XKR9: variants seen among roughly 807,000 people sequenced by gnomAD.
XKR9 encodes the protein XK related 9.
Under a neutral mutation model 32.0 loss-of-function variants are expected in XKR9, and 32 were observed. The observed-to-expected ratio is 1.00, with a 90% CI of 0.76 to 1.34. The LOEUF (loss-of-function observed/expected upper bound fraction) is 1.34, where lower values mean the gene tolerates loss of function less well. XKR9 is among the 40% of genes most tolerant of loss of function. The probability of loss-of-function intolerance (pLI) is 0.00; values close to 1 mark genes in which losing one functional copy is unlikely to be tolerated. For synonymous variants in XKR9, 168 were observed against 143.4 expected, an observed-to-expected ratio of 1.17 and a Z score of -1.22; for missense variants, 546 against 429.7, an observed-to-expected ratio of 1.27 and a Z score of -2.39.
chr8:71,038,000 G>T, the XKR9 span, among the ~76,000 whole-genome samples: 1 of 152,148 alleles, frequency 6.6e-6, no homozygotes, highest in African/African-American at 2.4e-5. Flanking sequence ...CAAAAAAATT[G>T]ATATTGTCTG....
chr8:71,007,319 C>T, the XKR9 span, among the ~76,000 whole-genome samples: 2 of 152,048 alleles, frequency 1.3e-5, no homozygotes, highest in Non-Finnish European at 2.9e-5. Flanking sequence ...AGATATGATC[C>T]CTGCTATGAG....
the XKR9 span, among the ~76,000 whole-genome samples, chr8:70,993,456 C>G: frequency 1.3e-5 from 2 of 152,234 alleles, no homozygotes; most frequent in East Asian, 3.9e-4. Context: ...ATTCCCCTGA[C>G]AGTGTCCCAA....
chr8:70,851,974 A>G, the XKR9 span, among the ~76,000 whole-genome samples: 1 of 152,250 alleles, frequency 6.6e-6, no homozygotes, highest in African/African-American at 2.4e-5. Flanking sequence ...AGCAAAAGAA[A>G]CTATCATCAA....
the XKR9 span, among the ~76,000 whole-genome samples, chr8:71,031,070 A>G: frequency 6.6e-6 from 1 of 152,126 alleles, no homozygotes; most frequent in Non-Finnish European, 1.5e-5. Flanking sequence ...CTTCCAAACT[A>G]AACTGTTAAT....
At chr8:70,883,698 C>A in the XKR9 span, among the ~76,000 whole-genome samples, 23 of 152,076 alleles carry the variant, frequency 1.5e-4, no homozygotes, top group African/African-American at 5.5e-4. Context: ...TATTTTATAT[C>A]TTTTTGTGGC....
At chr8:71,005,701 T>C in the XKR9 span, among the ~76,000 whole-genome samples, 1 of 152,224 alleles carries the variant, frequency 6.6e-6, no homozygotes, top group African/African-American at 2.4e-5. Flanking sequence ...TCTGTAGCTC[T>C]TACTAGAAGG....
chr8:70,979,720 C>A, the XKR9 span, among the ~76,000 whole-genome samples: 114 of 152,302 alleles, frequency 7.5e-4, no homozygotes, highest in Middle Eastern at 3.4e-3. Flanking sequence ...GGTCAGGGAC[C>A]CACTTGAGGA....
the XKR9 span, among the ~76,000 whole-genome samples, chr8:70,829,183 T>C: frequency 6.6e-6 from 1 of 152,232 alleles, no homozygotes; most frequent in African/African-American, 2.4e-5. Context: ...ACTTAACAAA[T>C]GTGTGACATT....
the XKR9 span, among the ~76,000 whole-genome samples, chr8:71,012,166 G>T: frequency 6.6e-6 from 1 of 152,168 alleles, no homozygotes; most frequent in African/African-American, 2.4e-5. Context: ...TCCTGTCTTC[G>T]AGGACTTGAC....
At chr8:71,056,870 A>G in the XKR9 span, among the ~76,000 whole-genome samples, 1 of 152,192 alleles carries the variant, frequency 6.6e-6, no homozygotes, top group Non-Finnish European at 1.5e-5. Context: ...GAGATGGGGA[A>G]ATTGAGAGGA....
the XKR9 span, among the ~76,000 whole-genome samples, chr8:70,948,874 C>A: frequency 6.6e-6 from 1 of 152,158 alleles, no homozygotes; most frequent in Non-Finnish European, 1.5e-5. Context: ...TACAAGAATT[C>A]TTCAGGAAGT....
chr8:70,750,791 C>T (rs550160287), intron 2 of XKR9, among the ~76,000 whole-genome samples: 1 of 152,288 alleles, frequency 6.6e-6, no homozygotes, highest in Non-Finnish European at 1.5e-5. Flanking sequence ...TAAACTGTTA[C>T]TTTTATCCTT....
the XKR9 span, among the ~76,000 whole-genome samples, chr8:70,900,109 A>G: frequency 6.6e-6 from 1 of 150,982 alleles, no homozygotes; most frequent in Non-Finnish European, 1.5e-5. Context: ...TGTAAAAAAA[A>G]AAATTAGTCT....
chr8:70,948,298 G>C, the XKR9 span, among the ~76,000 whole-genome samples: 1 of 152,210 alleles, frequency 6.6e-6, no homozygotes, highest in African/African-American at 2.4e-5. Flanking sequence ...CTACCTGCCT[G>C]CATTAGCTTT....
the XKR9 span, among the ~76,000 whole-genome samples, chr8:70,852,378 C>T: frequency 2.0e-5 from 3 of 152,150 alleles, no homozygotes; most frequent in Non-Finnish European, 2.9e-5. Flanking sequence ...TGTGGTGATT[C>T]CTCAAGGATC....
intron 2 of XKR9, among the ~76,000 whole-genome samples, chr8:70,743,989 G>A (rs1042626814): frequency 6.6e-6 from 1 of 152,024 alleles, no homozygotes; most frequent in African/African-American, 2.4e-5. Flanking sequence ...TGCAGTAAGA[G>A]ATATACCCAC....
chr8:70,988,956 C>G, the XKR9 span, among the ~76,000 whole-genome samples: 50 of 152,256 alleles, frequency 3.3e-4, no homozygotes, highest in African/African-American at 1.2e-3. Context: ...GCATAATACC[C>G]TCAAGGTTCA....
the XKR9 span, among the ~76,000 whole-genome samples, chr8:70,852,669 A>C: frequency 1.3e-5 from 2 of 152,232 alleles, no homozygotes; most frequent in Non-Finnish European, 2.9e-5. Context: ...CTATGCAGCC[A>C]TAAAAAGAAT....
the XKR9 span, among the ~76,000 whole-genome samples, chr8:70,951,780 A>T: frequency 1.8e-4 from 28 of 152,086 alleles, no homozygotes; most frequent in Non-Finnish European, 3.7e-4. Context: ...TACAGTTATA[A>T]ACCCCAACTG....
Sources: allele counts gnomAD v4.1 joint callset (sites outside exome capture counted in the v4.1 genomes callset), GRCh38; gene constraint gnomAD v4.1.1; transcripts MANE v1.5; gene names NCBI Gene and HGNC (gene_info 2026-07-23, HGNC 2026-07-21).